KIZ: variants seen among roughly 807,000 people sequenced by gnomAD.
KIZ encodes the protein centrosomal protein kizuna.
KIZ carries 68 observed loss-of-function variants against 79.6 expected under a neutral mutation model. That is an observed-to-expected ratio of 0.85 (90% CI 0.70 to 1.05). KIZ has a LOEUF of 1.05. Among genes scored for constraint, KIZ ranks in the 50% least tolerant of loss-of-function variants. The probability of loss-of-function intolerance (pLI) is 0.00; values close to 1 mark genes in which losing one functional copy is unlikely to be tolerated. For synonymous variants in KIZ, 280 were observed against 281.8 expected, an observed-to-expected ratio of 0.99 and a Z score of 0.06; for missense variants, 797 against 800.4, an observed-to-expected ratio of 1.00 and a Z score of 0.05.
intron 10 of KIZ, 61 bp from the exon 11 acceptor site, chr20:21,232,673 C>T (rs2036872329): frequency 1.2e-6 from 1 of 831,476 alleles, no homozygotes; most frequent in South Asian, 1.5e-5. Flanking sequence ...CCACTTTATT[C>T]ATTTTGTCCC....
chr20:21,233,622 A>T lies in KIZ; in HGVS notation c.1880+792A>T, dbSNP rs544558811. 5.9e-5 allele frequency among the ~76,000 whole-genome samples: 9 copies of T among 152,320 alleles called. No individual in the cohort carries two copies. In the South Asian group the frequency reaches 1.9e-3, roughly 32 times the overall value. On this transcript the variant is annotated intron_variant, in intron 11 of 12. Transcript: ENST00000619189. ...AGATGATTATATTACATTTGAATTA[A>T]CTGCTTGTCTCTGATGAAATTTTAG...
At chr20:21,144,816 A>G (rs1333940360) in intron 3 of KIZ, among the ~76,000 whole-genome samples, 3 of 152,190 alleles carry the variant, frequency 2.0e-5, no homozygotes, top group African/African-American at 7.2e-5. Flanking sequence ...AATTTAGAAA[A>G]TGTTCTGATA....
intron 8 of KIZ, among the ~76,000 whole-genome samples, chr20:21,215,089 A>G (rs945826734): frequency 6.6e-6 from 1 of 152,228 alleles, no homozygotes; most frequent in Non-Finnish European, 1.5e-5. Context: ...ATTACTTTTA[A>G]TTATAATAGA....
intron 9 of KIZ, among the ~76,000 whole-genome samples, chr20:21,228,269 G>A (rs552076043): frequency 5.3e-5 from 8 of 152,150 alleles, no homozygotes; most frequent in Non-Finnish European, 1.0e-4. Context: ...TCATCTGGGT[G>A]CCCTTGAAAC....
At chr20:21,208,572 G>A (rs1431760000) in intron 7 of KIZ, among the ~76,000 whole-genome samples, 2 of 152,074 alleles carry the variant, frequency 1.3e-5, no homozygotes, top group Non-Finnish European at 2.9e-5. Context: ...GTGTGCTGGC[G>A]GGCGCCTGTA....
intron 6 of KIZ, chr20:21,202,235 TTAAC>T (rs1170464143): frequency 6.6e-6 from 1 of 152,208 alleles, no homozygotes; most frequent in Non-Finnish European, 1.5e-5. Flanking sequence ...ACTTAGCTAT[TTAAC>T]TAATTTAATT....
Position 21,145,601 on chromosome 20 carries a change from T to C in KIZ, c.352T>C (p.Ser118Pro). 6.5e-7 allele frequency: 1 copy of C among 1,529,678 alleles called. No homozygotes were observed. The highest frequency in any genetic ancestry group is 1.2e-5 in the South Asian group (1 of 81,664). The allele number at this position is 1,529,678 out of a possible 1,614,324, so 94.8% of individuals were successfully genotyped here. ...GACTCAAATTAAGAAGATGCTATGCTCAAAAGATAGCCTGGGACTAAAAGA... is the reference window on the plus strand; with the variant it reads ...GACTCAAATTAAGAAGATGCTATGCCCAAAAGATAGCCTGGGACTAAAAGA... Reference protein sequence around the residue: ...YETQIKKMLCSKDSLGLKEEL... With the variant: ...YETQIKKMLCPKDSLGLKEEL... The change falls in exon 4 of 13, where the codon TCA becomes CCA. Residue 118 changes from serine (S) to proline (P), a missense_variant. Coordinates refer to ENST00000619189, the MANE Select transcript of KIZ (RefSeq NM_018474.6).
chr20:21,180,243 T>G (rs990221203), intron 6 of KIZ, among the ~76,000 whole-genome samples: 1 of 151,948 alleles, frequency 6.6e-6, no homozygotes, highest in Non-Finnish European at 1.5e-5. Flanking sequence ...TGCTCCTTTT[T>G]TTTTTTTTTT....
chr20:21,227,727 G>T (rs916945002), intron 9 of KIZ, among the ~76,000 whole-genome samples: 1 of 152,050 alleles, frequency 6.6e-6, no homozygotes, highest in Non-Finnish European at 1.5e-5. Flanking sequence ...AGGACAATGC[G>T]ACCAGCCTCA....
At chr20:21,126,342 G>A (rs1483450857) in intron 1 of KIZ, 138 bp downstream of exon 1, 1 of 541,390 alleles carries the variant, frequency 1.8e-6, no homozygotes, top group Non-Finnish European at 3.1e-6. Flanking sequence ...CAGGCTCCCA[G>A]TGGGGCCTGG....
chr20:21,195,340 C>G (rs1310297087), intron 6 of KIZ: 2 of 152,162 alleles, frequency 1.3e-5, no homozygotes, highest in Non-Finnish European at 2.9e-5. Flanking sequence ...TAGGTGCATT[C>G]TATGGAAGAA....
Position 21,232,732 on chromosome 20 carries a change from A to T in KIZ, c.1784-2A>T, listed in dbSNP as rs1255840870. The T allele has an allele frequency of 1.3e-6, 2 of 1,533,370 alleles. No homozygotes were observed. The highest frequency in any genetic ancestry group is 1.8e-6 in the Non-Finnish European group (2 of 1,115,438). The allele number at this position is 1,533,370 out of a possible 1,614,324, so 95.0% of individuals were successfully genotyped here. A position where few individuals can be genotyped will look rare whatever the true frequency, so the allele number is the denominator to read the frequency against. On this transcript the variant is annotated splice_acceptor_variant, in intron 10 of 12. Transcript: ENST00000619189. LOFTEE classifies it high-confidence loss of function. ...CACTCTCCATGTTTACGCTTATCAC[A>T]GGTTTGAATATTGGCAGCGGTGCAT...
At chr20:21,213,453 T>C (rs1161869429) in intron 7 of KIZ, 1 of 152,238 alleles carries the variant, frequency 6.6e-6, no homozygotes, top group East Asian at 1.9e-4. Flanking sequence ...ACTTCTGCTC[T>C]TTATATTAAT....
At chr20:21,182,142 C>A (rs1365665766) in intron 6 of KIZ, among the ~76,000 whole-genome samples, 1 of 152,068 alleles carries the variant, frequency 6.6e-6, no homozygotes. Context: ...GAGAAGGGAC[C>A]TTTGGGAGGT....
chr20:21,144,629 A>G (rs1268010211), intron 3 of KIZ, among the ~76,000 whole-genome samples: 1 of 89,112 alleles, frequency 1.1e-5, no homozygotes, highest in East Asian at 3.0e-4. Context: ...AAAATGAGAC[A>G]GCATATATTA....
At chr20:21,127,982 C>T (rs1222111893) in intron 1 of KIZ, among the ~76,000 whole-genome samples, 1 of 152,090 alleles carries the variant, frequency 6.6e-6, no homozygotes, top group Non-Finnish European at 1.5e-5. Flanking sequence ...TTGTCTGTAT[C>T]CAATTTGAGT....
intron 6 of KIZ, among the ~76,000 whole-genome samples, chr20:21,204,865 A>G (rs1377859131): frequency 6.6e-6 from 1 of 152,204 alleles, no homozygotes; most frequent in Non-Finnish European, 1.5e-5. Flanking sequence ...ACAACAAAAC[A>G]TCTGCTGTTG....
At chr20:21,187,277 A>G (rs2034915136) in intron 6 of KIZ, among the ~76,000 whole-genome samples, 1 of 152,198 alleles carries the variant, frequency 6.6e-6, no homozygotes, top group Non-Finnish European at 1.5e-5. Context: ...CTCAGGGAGC[A>G]GGAGGCATGA....
At chr20:21,238,935 A>G (rs2037126674) in intron 11 of KIZ, among the ~76,000 whole-genome samples, 1 of 152,044 alleles carries the variant, frequency 6.6e-6, no homozygotes, top group South Asian at 2.1e-4. Context: ...CCTTCCCTCC[A>G]TCTGTCCCCA....
Sources: allele counts gnomAD v4.1 joint callset (sites outside exome capture counted in the v4.1 genomes callset), GRCh38; gene constraint gnomAD v4.1.1; transcripts MANE v1.5; gene names NCBI Gene and HGNC (gene_info 2026-07-23, HGNC 2026-07-21).